The following TLE4 variants were observed in gnomAD, a reference collection of about 807,000 sequenced individuals.
TLE4 encodes TLE family member 4, transcriptional corepressor, also known as transducin-like enhancer protein 4.
A neutral mutation model predicts 92.8 loss-of-function variants in TLE4; 8 were observed. That is an observed-to-expected ratio of 0.09 (90% CI 0.05 to 0.16). The LOEUF (loss-of-function observed/expected upper bound fraction) is 0.16, where lower values mean the gene tolerates loss of function less well. Among genes scored for constraint, TLE4 ranks in the 10% least tolerant of loss-of-function variants. The pLI is 1.00. For missense variants in TLE4, 675 were observed against 997.6 expected (o/e 0.68, Z 4.36); for synonymous variants, 371 against 374.1 (o/e 0.99, Z 0.10).
chr9:79,649,920 TTTG>T, intron 6 of TLE4: 2 of 1,321,866 alleles, frequency 1.5e-6, no homozygotes, highest in South Asian at 2.5e-5. Flanking sequence ...TTTTTTGTTT[TTTG>T]TTTTTTTTTT....
At chr9:79,623,139 C>A (rs1024598667) in intron 5 of TLE4, among the ~76,000 whole-genome samples, 3 of 151,960 alleles carry the variant, frequency 2.0e-5, no homozygotes, top group Non-Finnish European at 2.9e-5. Flanking sequence ...CGGCAGTAAT[C>A]AGCATTTTGT....
intron 6 of TLE4, among the ~76,000 whole-genome samples, chr9:79,642,218 T>A (rs965186421): frequency 6.6e-6 from 1 of 151,572 alleles, no homozygotes; most frequent in African/African-American, 2.4e-5. Flanking sequence ...GCTTTTTAAA[T>A]GCTGCTTTAC....
chr9:79,592,864 T>A (rs1481756554), intron 4 of TLE4, among the ~76,000 whole-genome samples: 1 of 152,230 alleles, frequency 6.6e-6, no homozygotes, highest in African/African-American at 2.4e-5. Flanking sequence ...GACATAAGGC[T>A]GAGTCAATAA....
intron 8 of TLE4, among the ~76,000 whole-genome samples, chr9:79,678,792 C>G (rs923715875): frequency 2.8e-5 from 4 of 143,428 alleles, no homozygotes; most frequent in Non-Finnish European, 6.1e-5. Context: ...CTACAACAGT[C>G]CCCGGAGTAT....
At chr9:79,643,394 G>A (rs137983523) in intron 6 of TLE4, among the ~76,000 whole-genome samples, 1 of 152,286 alleles carries the variant, frequency 6.6e-6, no homozygotes, top group African/African-American at 2.4e-5. Context: ...CTATACCAGT[G>A]TGACAGCTCA....
intron 4 of TLE4, chr9:79,601,282 G>A (rs1344170248): frequency 2.4e-6 from 1 of 420,726 alleles, no homozygotes; most frequent in African/African-American, 2.0e-5. Context: ...GATGTGTGAT[G>A]GGAAACTAAA....
At chr9:79,652,901 A>G in intron 7 of TLE4, 107 bp downstream of exon 7, 1 of 1,181,852 alleles carries the variant, frequency 8.5e-7, no homozygotes, top group Non-Finnish European at 1.3e-6. Context: ...ACCAGTGACT[A>G]AACAAAGGAT....
At chr9:79,636,573 A>G (rs2055892601) in intron 6 of TLE4, among the ~76,000 whole-genome samples, 1 of 152,110 alleles carries the variant, frequency 6.6e-6, no homozygotes, top group Non-Finnish European at 1.5e-5. Flanking sequence ...CATCCTCTGG[A>G]TCCTAGAGTG....
At chr9:79,612,923 G>A (rs1588065186) in intron 5 of TLE4, among the ~76,000 whole-genome samples, 4 of 152,070 alleles carry the variant, frequency 2.6e-5, no homozygotes, top group Admixed American at 2.6e-4. Flanking sequence ...TTACATAATG[G>A]AATATTTTCT....
At chr9:79,659,486 A>G (rs927255339) in intron 8 of TLE4, among the ~76,000 whole-genome samples, 5 of 152,052 alleles carry the variant, frequency 3.3e-5, no homozygotes, top group African/African-American at 1.2e-4. Context: ...CTTATAATCA[A>G]ACTTCTTTGA....
intron 6 of TLE4, chr9:79,649,579 T>C (rs2058620862): frequency 5.0e-6 from 1 of 201,896 alleles, no homozygotes; most frequent in Non-Finnish European, 1.0e-5. Flanking sequence ...TGAAAAAGAA[T>C]GGAAGAAAAC....
chr9:79,654,602 G>A (rs1197109550), intron 8 of TLE4, among the ~76,000 whole-genome samples: 1 of 151,288 alleles, frequency 6.6e-6, no homozygotes, highest in Non-Finnish European at 1.5e-5. Flanking sequence ...GGTATAACAA[G>A]TTAATTCTCT....
intron 6 of TLE4, among the ~76,000 whole-genome samples, chr9:79,646,421 G>A (rs1308088189): frequency 6.6e-6 from 1 of 151,966 alleles, no homozygotes; most frequent in Non-Finnish European, 1.5e-5. Context: ...CCTTTTCCAG[G>A]GAATCCTGAG....
At chr9:79,615,381 T>C (rs2049302622) in intron 5 of TLE4, among the ~76,000 whole-genome samples, 1 of 152,198 alleles carries the variant, frequency 6.6e-6, no homozygotes, top group African/African-American at 2.4e-5. Context: ...TTAGAATTTA[T>C]TTTAAAATGT....
At chr9:79,676,186 T>G (rs1418283072) in intron 8 of TLE4, among the ~76,000 whole-genome samples, 1 of 152,132 alleles carries the variant, frequency 6.6e-6, no homozygotes, top group African/African-American at 2.4e-5. Context: ...TAGATATTGT[T>G]TAGTCACTGT....
chr9:79,573,868 TC>T (rs2036775111), intron 2 of TLE4, 82 bp downstream of exon 2: 1 of 1,015,890 alleles, frequency 9.8e-7, no homozygotes, highest in East Asian at 3.0e-5. Flanking sequence ...CTTACCCTCC[TC>T]CTTTTTTGTG....
intron 8 of TLE4, among the ~76,000 whole-genome samples, chr9:79,664,244 G>A (rs1302830564): frequency 6.6e-6 from 1 of 152,186 alleles, no homozygotes; most frequent in East Asian, 1.9e-4. Context: ...TCAGCGGGAT[G>A]TTATTAGCTT....
At chr9:79,577,263 A>G (rs561234229) in intron 4 of TLE4, among the ~76,000 whole-genome samples, 1 of 152,304 alleles carries the variant, frequency 6.6e-6, no homozygotes, top group South Asian at 2.1e-4. Context: ...GTTATTTTCT[A>G]CATGCTCAGA....
intron 16 of TLE4, 33 bp from the exon 17 acceptor site, chr9:79,721,708 T>C (rs766741585): frequency 6.2e-7 from 1 of 1,613,706 alleles, no homozygotes; most frequent in Non-Finnish European, 8.5e-7. Flanking sequence ...AGCTAACTTT[T>C]CAAGGGCTTT....
Sources: gnomAD v4.1 joint callset for allele counts (sites outside exome capture counted in the v4.1 genomes callset) on GRCh38, gnomAD v4.1.1 for gene constraint, MANE v1.5 for transcripts, NCBI Gene and HGNC (gene_info 2026-07-23, HGNC 2026-07-21) for gene names.